Variants in CHRNA1 observed in about 807,000 individuals in gnomAD.
CHRNA1 encodes the protein cholinergic receptor nicotinic alpha 1 subunit.
CHRNA1 carries 35 observed loss-of-function variants against 47.1 expected under a neutral mutation model. The observed-to-expected ratio is 0.74, with a 90% CI of 0.57 to 0.99. CHRNA1 has a LOEUF of 0.99. CHRNA1 is among the 50% of genes least tolerant of loss of function. The pLI is 0.00. For synonymous variants in CHRNA1, 229 were observed against 223.6 expected, an observed-to-expected ratio of 1.02 and a Z score of -0.22; for missense variants, 506 against 591.1, an observed-to-expected ratio of 0.86 and a Z score of 1.49.
At chr2:174,749,893 G>C in intron 7 of CHRNA1, 53 bp downstream of exon 7, 1 of 1,486,194 alleles carries the variant, frequency 6.7e-7, no homozygotes, top group East Asian at 2.3e-5. Flanking sequence ...TCCTCGAAGG[G>C]GAGGCCTGTA....
Position 174,748,802 on chromosome 2 carries a change from G to A in CHRNA1, c.1020C>T (p.Ile340=), listed in dbSNP as rs1175342760. ...TTGTGGAGAAAAACATGATATTTGG[G>A]ATAGTGTCGATAAAAACCTAACATA... The part of the protein sequence containing the change: ...NWVRKVFIDT[I]PNIMFFSTMK... Residue 340 remains isoleucine (I), a synonymous_variant, in exon 8 of 9, where the codon ATC becomes ATT. Transcript: ENST00000348749. 2.5e-6 allele frequency: 4 copies of A among 1,613,944 alleles called. No homozygotes were observed. The South Asian group carries it at 3.3e-5, about 13-fold the overall frequency.
chr2:174,758,357 C>T (rs962005558), intron 3 of CHRNA1, among the ~76,000 whole-genome samples: 2 of 151,982 alleles, frequency 1.3e-5, no homozygotes, highest in Non-Finnish European at 2.9e-5. Context: ...TGCAGTGAGC[C>T]GAGATCGCGC....
Position 174,750,148 on chromosome 2 carries a change from A to G in CHRNA1, c.800T>C (p.Ile267Thr). 1 of 1,610,640 alleles carries G rather than the reference A, an allele frequency of 6.2e-7. No individual in the cohort carries two copies. The change falls in exon 7 of 9, where the codon ATC becomes ACC. Residue 267 changes from isoleucine (I) to threonine (T), a missense_variant. By Grantham distance (89) the Ile-to-Thr change is moderately conservative. Transcript: ENST00000348749. ...TDSGEKMTLS[I>T]SVLLSLTVFL... Reference sequence around the variant, plus strand: ...CACAGTCAAAGACAGTAAGACAGAGATGCTCAGAGTCATCTTCTCCCCTGA... The same window carrying G: ...CACAGTCAAAGACAGTAAGACAGAGGTGCTCAGAGTCATCTTCTCCCCTGA...
chr2:174,754,412 G>A lies in CHRNA1; in HGVS notation c.347C>T (p.Ala116Val), dbSNP rs770611155. ...CTTGACAATAGCAAAGTCACCATCT[G>A]CACTACAATTGGGATAAAAGAGGAA... ...WRPDLVLYNN[A>V]DGDFAIVKFT... is the part of the protein sequence containing the mutation. The change falls in exon 5 of 9, where the codon GCA becomes GTA. Residue 116 changes from alanine (A) to valine (V), a missense_variant and splice_region_variant. Ala to Val is a moderately conservative substitution (Grantham distance 64, BLOSUM62 0). Coordinates refer to ENST00000348749, the MANE Select transcript of CHRNA1 (RefSeq NM_000079.4). 2 of 1,613,918 alleles carry A rather than the reference G, an allele frequency of 1.2e-6. No homozygotes were observed. Among genetic ancestry groups the A allele is most frequent in the African/African-American group, 2.7e-5 (2 of 75,010 alleles).
intron 6 of CHRNA1, chr2:174,752,984 G>T: frequency 4.6e-6 from 1 of 217,374 alleles, no homozygotes; most frequent in East Asian, 9.9e-5. Context: ...AGTTGTCTAG[G>T]CTGATATGTG....
chr2:174,750,665 C>T (rs562152419), intron 6 of CHRNA1, among the ~76,000 whole-genome samples: 1 of 152,268 alleles, frequency 6.6e-6, no homozygotes, highest in South Asian at 2.1e-4. Flanking sequence ...TGGGAAATCT[C>T]AAAGCATTTT....
At position 174,753,613 on chromosome 2, in the gene CHRNA1, T is replaced by C. The variant is rs1343189742; in HGVS notation, c.668A>G (p.Tyr223Cys). 4 of 1,613,970 alleles carry C rather than the reference T, an allele frequency of 2.5e-6. No individual in the cohort carries two copies. Among genetic ancestry groups the C allele is most frequent in the Non-Finnish European group, 3.4e-6 (4 of 1,179,990 alleles). ...GGGCAGGCGCTGCATGACGAAGTGG[T>C]AGGTGATGTCCAGGTAGGGGGTGTC... ...CPDTPYLDIT[Y>C]HFVMQRLPLY... The change falls in exon 6 of 9, where the codon TAC (tyrosine) becomes TGC (cysteine). Residue 223 changes from tyrosine to cysteine, a missense_variant. Tyr to Cys is a radical substitution (Grantham distance 194, BLOSUM62 -2). Transcript: ENST00000348749.
At chr2:174,763,444 G>C (rs73030246) in intron 1 of CHRNA1, among the ~76,000 whole-genome samples, 2,193 of 152,072 alleles carry the variant, frequency 0.014, 45 homozygotes, top group African/African-American at 0.05. Flanking sequence ...CTCTGATATT[G>C]AAAAAAATTA....
In CHRNA1 at chr2:174,757,793, G is replaced by A. The variant is rs1188613623; in HGVS notation, c.235-118C>T. ...ATTGACAGAAATTGTGCTTCCATAA[G>A]AAAAGTTGGATTCAGAATTTAGCTT... is the stretch of plus-strand genomic sequence containing the variant. On this transcript the variant is annotated intron_variant, in intron 3 of 8. Transcript: ENST00000348749. The A allele has an allele frequency of 3.8e-6, 4 of 1,059,674 alleles. No homozygotes were observed. The South Asian group carries it at 4.0e-5, about 11-fold the overall frequency. The allele number at this position is 1,059,674 out of a possible 1,614,324, so 65.6% of individuals were successfully genotyped here.
At chr2:174,761,050 C>G (rs1684091783) in intron 1 of CHRNA1, among the ~76,000 whole-genome samples, 1 of 152,154 alleles carries the variant, frequency 6.6e-6, no homozygotes, top group Non-Finnish European at 1.5e-5. Context: ...GGGCAAAGCT[C>G]AGATTGGAAT....
At chr2:174,753,798 G>C (rs536100970) in intron 5 of CHRNA1, 58 bp from the exon 6 acceptor site, 2 of 1,527,474 alleles carry the variant, frequency 1.3e-6, no homozygotes, top group African/African-American at 2.7e-5. Flanking sequence ...GAGGGGCAGC[G>C]TTTTGTAATC....
At chr2:174,752,429 G>A (rs539137331) in intron 6 of CHRNA1, among the ~76,000 whole-genome samples, 38 of 152,218 alleles carry the variant, frequency 2.5e-4, no homozygotes, top group African/African-American at 7.9e-4. Flanking sequence ...AATTAGCCGA[G>A]TGTGGTGGCA....
chr2:174,763,052 AG>A (rs1684126149), intron 1 of CHRNA1, among the ~76,000 whole-genome samples: 1 of 135,532 alleles, frequency 7.4e-6, no homozygotes, highest in African/African-American at 2.7e-5. Flanking sequence ...GACCTTGGGC[AG>A]GTCAGCTTTA....
Position 174,757,573 on chromosome 2 carries a change from A to T in CHRNA1, c.337T>A (p.Tyr113Asn), listed in dbSNP as rs1214774375. Reference protein sequence around the residue: ...EKIWRPDLVLYNNADGDFAIV... With the variant: ...EKIWRPDLVLNNNADGDFAIV... The stretch of plus-strand genomic sequence containing the variant: ...CCCATGCAGTTTGCTCACTTGTTAT[A>T]GAGAACAAGGTCTGGGCGCCAGATC... The change falls in exon 4 of 9, where the codon TAT becomes AAT. Residue 113 changes from tyrosine (Y) to asparagine (N), a missense_variant. By Grantham distance (143) the Tyr-to-Asn change is moderately radical. Coordinates refer to ENST00000348749, the MANE Select transcript of CHRNA1 (RefSeq NM_000079.4). The T allele has an allele frequency of 1.2e-6, 2 of 1,613,440 alleles. No homozygotes were observed. The highest frequency in any genetic ancestry group is 1.7e-6 in the Non-Finnish European group (2 of 1,179,360).
chr2:174,749,904 G>A, intron 7 of CHRNA1, 42 bp downstream of exon 7: 1 of 1,527,648 alleles, frequency 6.5e-7, no homozygotes, highest in Non-Finnish European at 9.1e-7. Context: ...GAGGCCTGTA[G>A]ATGTGCCTCC....
chr2:174,764,072 G>A (rs1684146550), intron 1 of CHRNA1, among the ~76,000 whole-genome samples: 1 of 152,190 alleles, frequency 6.6e-6, no homozygotes, highest in South Asian at 2.1e-4. Context: ...TGTTCAGAGG[G>A]ATGAGTCGGC....
chr2:174,755,815 C>T (rs1425045147), intron 4 of CHRNA1, among the ~76,000 whole-genome samples: 5 of 152,134 alleles, frequency 3.3e-5, no homozygotes, highest in African/African-American at 7.2e-5. Context: ...GCAGGAAGAT[C>T]GCTTGAGTCC....
chr2:174,754,084 T>C, intron 5 of CHRNA1, 135 bp downstream of exon 5: 2 of 853,894 alleles, frequency 2.3e-6, no homozygotes, highest in East Asian at 5.0e-5. Flanking sequence ...CCCTTCCCAA[T>C]CAACTTGAAC....
Position 174,757,669 on chromosome 2 carries a change from C to T in CHRNA1, c.241G>A (p.Val81Met). Reference protein sequence around the residue: ...TTNVRLKQQWVDYNLKWNPDD... With the variant: ...TTNVRLKQQWMDYNLKWNPDD... ...GGATTCCATTTTAGGTTGTAATCCA[C>T]CCATTGCTAGAAACAAAGACATACA... The change falls in exon 4 of 9, where the codon GTG (valine) becomes ATG (methionine). Residue 81 changes from valine to methionine, a missense_variant. Transcript: ENST00000348749. 1 of 1,613,452 alleles carries T rather than the reference C, an allele frequency of 6.2e-7. No homozygotes were observed. The highest frequency in any genetic ancestry group is 8.5e-7 in the Non-Finnish European group (1 of 1,179,380).
Sources: allele counts gnomAD v4.1 joint callset (sites outside exome capture counted in the v4.1 genomes callset), GRCh38; gene constraint gnomAD v4.1.1; transcripts MANE v1.5; gene names NCBI Gene and HGNC (gene_info 2026-07-23, HGNC 2026-07-21).